LARP1: variants seen among roughly 807,000 people sequenced by gnomAD.
LARP1 encodes the protein la-related protein 1.
Under a neutral mutation model 122.7 loss-of-function variants are expected in LARP1, and 36 were observed. The ratio of observed to expected loss-of-function variants is 0.29; its 90% CI spans 0.22 to 0.39. LARP1 has a LOEUF of 0.39. LARP1 is among the 10% of genes least tolerant of loss of function. The probability of loss-of-function intolerance (pLI) is 1.00; values close to 1 mark genes in which losing one functional copy is unlikely to be tolerated. For missense variants in LARP1, 1,040 were observed against 1,403.6 expected (o/e 0.74, Z 4.14); for synonymous variants, 539 against 528.7 (o/e 1.02, Z -0.27).
chr5:154,790,691 T>C lies in LARP1; in HGVS notation c.545T>C (p.Ile182Thr), dbSNP rs747377406. 6.2e-7 allele frequency: 1 copy of C among 1,614,216 alleles called. No individual in the cohort carries two copies. The highest frequency in any genetic ancestry group is 2.2e-5 in the East Asian group (1 of 44,892). The change falls in exon 3 of 19, where the codon ATA becomes ACA. Residue 182 changes from isoleucine (I) to threonine (T), a missense_variant. Ile to Thr is a moderately conservative substitution (Grantham distance 89). Around this residue, in one of 8 missense-constraint regions of LARP1, gnomAD observed 257 missense variants for 273.3 expected, o/e 0.94. Coordinates refer to ENST00000518297, the MANE Select transcript of LARP1 (RefSeq NM_033551.3). ...DAINWPTPGE[I>T]AHKSVQPQSH... ...ATCAATTGGCCCACACCTGGAGAGATAGCCCACAAGAGTGTTCAGGTGAGT... is the reference window on the plus strand; with the variant it reads ...ATCAATTGGCCCACACCTGGAGAGACAGCCCACAAGAGTGTTCAGGTGAGT...
chr5:154,696,326 T>C (rs1302990728), intron 1 of LARP1, among the ~76,000 whole-genome samples: 1 of 152,092 alleles, frequency 6.6e-6, no homozygotes, highest in African/African-American at 2.4e-5. Context: ...CACTACTCTC[T>C]AGCCTCAGTG....
chr5:154,732,828 C>T (rs1756666581), intron 1 of LARP1, among the ~76,000 whole-genome samples: 1 of 152,150 alleles, frequency 6.6e-6, no homozygotes, highest in Admixed American at 6.6e-5. Context: ...GAAATGTCTG[C>T]ATATGAAGTG....
chr5:154,804,096 T>C (rs1758559983), intron 13 of LARP1, 105 bp from the exon 14 acceptor site: 5 of 826,680 alleles, frequency 6.0e-6, no homozygotes, highest in South Asian at 4.4e-5. Context: ...GAAAATGCTG[T>C]TGTAAAATGT....
chr5:154,807,449 T>C (rs1758876225), intron 15 of LARP1, among the ~76,000 whole-genome samples: 1 of 152,232 alleles, frequency 6.6e-6, no homozygotes, highest in African/African-American at 2.4e-5. Flanking sequence ...TATTGAAATA[T>C]AAAATTTTCG....
rs1343833696 is a variant in LARP1, at chr5:154,803,620, C to T, written c.2314C>T (p.Pro772Ser). 1 of 1,614,182 alleles carries T rather than the reference C, an allele frequency of 6.2e-7. No homozygotes were observed. Among genetic ancestry groups the T allele is most frequent in the Admixed American group, 1.7e-5 (1 of 60,026 alleles). ...CGCCCGCTCTCTACCAACCACTGTC[C>T]CAGAGTCACCAAACTACCGCAACAC... ...TIARSLPTTV[P>S]ESPNYRNTRT... The change falls in exon 13 of 19, where the codon CCA becomes TCA. Residue 772 changes from proline to serine, a missense_variant. Around this residue, in one of 8 missense-constraint regions of LARP1, gnomAD observed 362 missense variants for 533.1 expected, o/e 0.68. Transcript: ENST00000518297. This position sits in a 1 kb window ranked among gnomAD's most constrained non-coding sequence, Gnocchi z 4.4.
At chr5:154,791,085 G>A (rs1468372122) in intron 3 of LARP1, among the ~76,000 whole-genome samples, 1 of 151,614 alleles carries the variant, frequency 6.6e-6, no homozygotes, top group African/African-American at 2.4e-5. Context: ...CCAAAGTGCT[G>A]GGATTACAGG....
intron 1 of LARP1, chr5:154,685,828 T>G: frequency 2.0e-6 from 1 of 512,382 alleles, no homozygotes; most frequent in South Asian, 1.4e-5. Context: ...TTTTTAAATT[T>G]TAGAGACGGG....
chr5:154,784,578 A>G (rs974765536), intron 1 of LARP1, among the ~76,000 whole-genome samples: 1 of 152,218 alleles, frequency 6.6e-6, no homozygotes, highest in African/African-American at 2.4e-5. Context: ...TTCAGGCCTG[A>G]AATCTGGTAG....
At chr5:154,807,365 G>A (rs538282808) in intron 15 of LARP1, among the ~76,000 whole-genome samples, 1 of 152,232 alleles carries the variant, frequency 6.6e-6, no homozygotes, top group South Asian at 2.1e-4. Flanking sequence ...GTATTGCTGG[G>A]TCATGGGGTA....
At chr5:154,775,926 T>C (rs1228675767) in intron 1 of LARP1, among the ~76,000 whole-genome samples, 3 of 152,178 alleles carry the variant, frequency 2.0e-5, no homozygotes, top group Non-Finnish European at 4.4e-5. Flanking sequence ...CTAAAAAACT[T>C]AAATGCACAA....
intron 1 of LARP1, among the ~76,000 whole-genome samples, chr5:154,772,157 C>G (rs1164686200): frequency 6.6e-6 from 1 of 152,116 alleles, no homozygotes; most frequent in African/African-American, 2.4e-5. Flanking sequence ...CAGTGCTAGC[C>G]ACGTAAATTA....
intron 1 of LARP1, among the ~76,000 whole-genome samples, chr5:154,683,073 C>T (rs1236596599): frequency 6.6e-6 from 1 of 152,318 alleles, no homozygotes; most frequent in Admixed American, 6.5e-5. Context: ...GCCGTGCGAC[C>T]CGGCACCACC....
chr5:154,691,187 G>A (rs2113204199), intron 1 of LARP1, among the ~76,000 whole-genome samples: 1 of 151,666 alleles, frequency 6.6e-6, no homozygotes, highest in South Asian at 2.1e-4. Context: ...GCGTGAACCC[G>A]GGAGGCGGAG....
chr5:154,731,615 G>C (rs1216292990), intron 1 of LARP1, among the ~76,000 whole-genome samples: 5 of 152,154 alleles, frequency 3.3e-5, no homozygotes, highest in Non-Finnish European at 1.5e-5. Flanking sequence ...AGACAGGCAG[G>C]AATCTGAAGC....
At chr5:154,726,685 A>G (rs1265249150) in intron 1 of LARP1, among the ~76,000 whole-genome samples, 8 of 152,240 alleles carry the variant, frequency 5.3e-5, no homozygotes, top group South Asian at 2.1e-4. Flanking sequence ...TTAGTAAACC[A>G]GAAAGCCAGT....
chr5:154,754,917 C>T (rs1198385655), upstream of LARP1, among the ~76,000 whole-genome samples: 1 of 152,192 alleles, frequency 6.6e-6, no homozygotes, highest in Non-Finnish European at 1.5e-5. Context: ...TGGCTCCTTC[C>T]CCTGAATCTG....
At chr5:154,797,209 TTTGTTG>T (rs1446804758) in intron 8 of LARP1, among the ~76,000 whole-genome samples, 16 of 144,736 alleles carry the variant, frequency 1.1e-4, no homozygotes, top group African/African-American at 4.1e-4. Context: ...GTTATTCTGT[TTTGTTG>T]TTGTTGTTTT....
intron 1 of LARP1, among the ~76,000 whole-genome samples, chr5:154,694,911 A>G (rs994498831): frequency 4.0e-5 from 6 of 151,794 alleles, no homozygotes; most frequent in African/African-American, 1.5e-4. Context: ...ATTGTTGTTG[A>G]GACAGGGTTT....
intron 1 of LARP1, among the ~76,000 whole-genome samples, chr5:154,788,301 C>T (rs772237563): frequency 4.6e-5 from 7 of 152,184 alleles, no homozygotes; most frequent in African/African-American, 7.2e-5. Flanking sequence ...CACCATTGCC[C>T]TGCACTGGGG....
Sources: gnomAD v4.1 joint callset for allele counts (sites outside exome capture counted in the v4.1 genomes callset) on GRCh38, gnomAD v4.1.1 for gene constraint, gnomAD v4.1.1 regional missense constraint, Gnocchi (gnomAD v3.1) non-coding constraint, MANE v1.5 for transcripts, NCBI Gene and HGNC (gene_info 2026-07-23, HGNC 2026-07-21) for gene names.